KLHL6: variants seen among roughly 807,000 people sequenced by gnomAD.
KLHL6 encodes the protein kelch-like protein 6.
In KLHL6, 41 loss-of-function variants were observed where a neutral mutation model predicts 58.6. The observed-to-expected ratio is 0.70, with a 90% CI of 0.55 to 0.91. The LOEUF (loss-of-function observed/expected upper bound fraction) is 0.91. Ranked by LOEUF, KLHL6 falls within the 40% of genes least tolerant of loss-of-function variation. The pLI is 0.00. For synonymous variants in KLHL6, 338 were observed against 322.7 expected (o/e 1.05, Z -0.51); for missense variants, 714 against 805.6 (o/e 0.89, Z 1.38).
intron 2 of KLHL6, among the ~76,000 whole-genome samples, chr3:183,511,056 C>T (rs956223778): frequency 1.3e-5 from 2 of 152,080 alleles, no homozygotes; most frequent in African/African-American, 2.4e-5. Flanking sequence ...GCTCAGCATA[C>T]GGAGGACCCT....
At chr3:183,507,851 G>A (rs1038095555) in intron 3 of KLHL6, among the ~76,000 whole-genome samples, 7 of 152,238 alleles carry the variant, frequency 4.6e-5, no homozygotes, top group Admixed American at 1.3e-4. Flanking sequence ...CTCACCTAAC[G>A]CGCTCAGTAA....
Position 183,492,551 on chromosome 3 carries a change from G to A in KLHL6, c.1507C>T (p.Pro503Ser), listed in dbSNP as rs1429797234. The change falls in exon 6 of 7, where the codon CCC (proline) becomes TCC (serine). Residue 503 changes from proline (P) to serine (S), a missense_variant. Physicochemically the swap from Pro to Ser is moderately conservative, Grantham distance 74 (BLOSUM62 -1). Coordinates refer to ENST00000341319, the MANE Select transcript of KLHL6 (RefSeq NM_130446.4). This position sits in a 1 kb window ranked among gnomAD's most constrained non-coding sequence, Gnocchi z 5.9. Reference protein sequence around the residue: ...TNKWSLKAAMPVEAKCINAVS... With the variant: ...TNKWSLKAAMSVEAKCINAVS... ...GCATTGATGCATTTAGCCTCCACGG[G>A]CATGGCCGCCTTCAAACTCCACTTG... 3 of 1,614,122 alleles carry A rather than the reference G, an allele frequency of 1.9e-6. No individual in the cohort carries two copies.
chr3:183,507,932 G>A (rs1343219772), intron 3 of KLHL6, 127 bp downstream of exon 3: 3 of 774,704 alleles, frequency 3.9e-6, no homozygotes, highest in Non-Finnish European at 4.2e-6. Context: ...ACTCAGCAAT[G>A]AACAGGGCAG....
chr3:183,497,369 G>A (rs191290714), intron 4 of KLHL6, among the ~76,000 whole-genome samples: 12 of 152,234 alleles, frequency 7.9e-5, no homozygotes, highest in Admixed American at 2.6e-4. Context: ...CCGAGATCTC[G>A]CCATTGTACT....
intron 1 of KLHL6, among the ~76,000 whole-genome samples, chr3:183,528,984 C>T (rs1168962332): frequency 1.3e-5 from 2 of 152,146 alleles, no homozygotes; most frequent in African/African-American, 4.8e-5. Context: ...AGAACGAGAT[C>T]GTATCCTTTG....
intron 3 of KLHL6, among the ~76,000 whole-genome samples, chr3:183,506,877 A>AAAT (rs1718024651): frequency 6.7e-6 from 1 of 149,916 alleles, no homozygotes; most frequent in South Asian, 2.1e-4. Flanking sequence ...AATAAATAAA[A>AAAT]GGAGAAGTCT....
At chr3:183,516,770 A>G (rs1161150443) in intron 2 of KLHL6, among the ~76,000 whole-genome samples, 3 of 152,246 alleles carry the variant, frequency 2.0e-5, no homozygotes, top group African/African-American at 4.8e-5. Context: ...ATGGTGTCCA[A>G]GTGGCTTTGG....
At chr3:183,505,512 C>G (rs1717976082) in intron 3 of KLHL6, among the ~76,000 whole-genome samples, 1 of 151,562 alleles carries the variant, frequency 6.6e-6, no homozygotes, top group Non-Finnish European at 1.5e-5. Flanking sequence ...CCAAACTAAG[C>G]AGAAAGAAAG....
intron 2 of KLHL6, among the ~76,000 whole-genome samples, chr3:183,525,402 A>G (rs1023013167): frequency 1.3e-5 from 2 of 152,166 alleles, no homozygotes; most frequent in African/African-American, 4.8e-5. Context: ...CAAGGCACAA[A>G]CTATCCAAAG....
intron 2 of KLHL6, among the ~76,000 whole-genome samples, chr3:183,523,645 A>G (rs1711845456): frequency 6.6e-6 from 1 of 152,142 alleles, no homozygotes; most frequent in Non-Finnish European, 1.5e-5. Flanking sequence ...CCTGCAGATA[A>G]GCTCCCAATC....
chr3:183,513,814 T>A (rs1364729648), intron 2 of KLHL6, among the ~76,000 whole-genome samples: 1 of 152,142 alleles, frequency 6.6e-6, no homozygotes, highest in Non-Finnish European at 1.5e-5. Flanking sequence ...CAACCCGTCA[T>A]CTAGGTTTTA....
chr3:183,494,421 G>T, intron 4 of KLHL6, 140 bp from the exon 5 acceptor site: 1 of 671,972 alleles, frequency 1.5e-6, no homozygotes, highest in South Asian at 1.8e-5. Context: ...CCCAGCAGGT[G>T]TGTGATGTCT....
At chr3:183,524,048 A>G (rs527343314) in intron 2 of KLHL6, among the ~76,000 whole-genome samples, 1 of 152,344 alleles carries the variant, frequency 6.6e-6, no homozygotes, top group African/African-American at 2.4e-5. Flanking sequence ...GGTGTGAGCC[A>G]CTGTGCCCGG....
At position 183,489,652 on chromosome 3, in the gene KLHL6, G is replaced by T. The variant is rs1446665480; in HGVS notation, c.*2275C>A. 1 of 152,186 alleles carries T rather than the reference G, an allele frequency of 6.6e-6. No homozygotes were observed. The highest frequency in any genetic ancestry group is 1.5e-5 in the Non-Finnish European group (1 of 68,042). 9.4% of individuals were successfully genotyped at this position (152,186 alleles called of 1,614,324 possible). A position where few individuals can be genotyped will look rare whatever the true frequency, so the allele number is the denominator to read the frequency against. On this transcript the variant is annotated 3_prime_UTR_variant, in exon 7 of 7. Coordinates refer to ENST00000341319, the MANE Select transcript of KLHL6 (RefSeq NM_130446.4). ...TGGTTATTATAGTGCTCATGAGTCAGCAATAGTTTGTTCTAAAATTCCACA... is the reference window on the plus strand; with the variant it reads ...TGGTTATTATAGTGCTCATGAGTCATCAATAGTTTGTTCTAAAATTCCACA...
Position 183,494,099 on chromosome 3 carries a change from A to G in KLHL6, c.1330T>C (p.Phe444Leu). 2 of 1,614,156 alleles carry G rather than the reference A, an allele frequency of 1.2e-6. No individual in the cohort carries two copies. The highest frequency in any genetic ancestry group is 1.7e-6 in the Non-Finnish European group (2 of 1,179,974). ...RINNVETYDPFHNCWSEAAPL... is the reference protein window; with the variant it reads ...RINNVETYDPLHNCWSEAAPL... ...TATACCTCTGACCAGCAGTTGTGAA[A>G]GGGGTCGTAGGTCTCCACATTGTTG... Residue 444 changes from phenylalanine (F) to leucine (L), a missense_variant, in exon 5 of 7, where the codon TTT (phenylalanine) becomes CTT (leucine). Coordinates refer to ENST00000341319, the MANE Select transcript of KLHL6 (RefSeq NM_130446.4).
chr3:183,509,284 G>A (rs1718111781), intron 2 of KLHL6, among the ~76,000 whole-genome samples: 1 of 152,112 alleles, frequency 6.6e-6, no homozygotes, highest in Admixed American at 6.5e-5. Context: ...TTCATTTTAG[G>A]TGCCATAATG....
chr3:183,503,684 C>T (rs1369277970), intron 3 of KLHL6, among the ~76,000 whole-genome samples: 6 of 152,178 alleles, frequency 3.9e-5, no homozygotes, highest in Non-Finnish European at 8.8e-5. Context: ...GAGGCTGAGG[C>T]AGGAGAATCT....
At chr3:183,550,335 T>C (rs1190739676) in intron 1 of KLHL6, among the ~76,000 whole-genome samples, 5 of 152,086 alleles carry the variant, frequency 3.3e-5, no homozygotes, top group South Asian at 2.1e-4. Flanking sequence ...GGCAGTAATA[T>C]GAGGAAATGT....
intron 1 of KLHL6, among the ~76,000 whole-genome samples, chr3:183,535,868 C>T (rs549327347): frequency 4.7e-4 from 72 of 152,280 alleles, no homozygotes; most frequent in African/African-American, 1.1e-3. Context: ...CTCTGCCTCC[C>T]GGGTTCATGC....
Sources: allele counts gnomAD v4.1 joint callset (sites outside exome capture counted in the v4.1 genomes callset), GRCh38; gene constraint gnomAD v4.1.1; non-coding constraint Gnocchi (gnomAD v3.1); transcripts MANE v1.5; gene names NCBI Gene and HGNC (gene_info 2026-07-23, HGNC 2026-07-21).